MCM5: variants seen among roughly 807,000 people sequenced by gnomAD.
MCM5 encodes the protein DNA replication licensing factor MCM5.
A neutral mutation model predicts 79.9 loss-of-function variants in MCM5; 46 were observed. The observed-to-expected ratio is 0.58, with a 90% CI of 0.45 to 0.74. The LOEUF (loss-of-function observed/expected upper bound fraction) is 0.74, where lower values mean the gene tolerates loss of function less well. Among genes scored for constraint, MCM5 ranks in the 30% least tolerant of loss-of-function variants. MCM5 has a pLI of 0.00. For missense variants in MCM5, 883 were observed against 1,017.0 expected, an observed-to-expected ratio of 0.87 and a Z score of 1.79; for synonymous variants, 404 against 390.5, an observed-to-expected ratio of 1.03 and a Z score of -0.41.
At chr22:35,427,972 C>T (rs1932788640), downstream of MCM5, among the ~76,000 whole-genome samples, 3 of 149,948 alleles carry the variant, frequency 2.0e-5, no homozygotes. Flanking sequence ...GCCAGGAGTT[C>T]AAGACTAGCC....
chr22:35,406,296 A>ACCCCCC lies in MCM5; in HGVS notation c.424-255_424-254insCCCCCC, dbSNP rs758388958. Among the ~76,000 whole-genome samples, 174 of 120,918 alleles carry ACCCCCC rather than the reference A, an allele frequency of 1.4e-3. 15 individuals carry two copies. Among genetic ancestry groups the ACCCCCC allele is most frequent in the African/African-American group, 1.9e-3 (59 of 30,900 alleles). 79.3% of individuals were successfully genotyped at this position (120,918 alleles called of 152,430 possible). A position where few individuals can be genotyped will look rare whatever the true frequency, so the allele number is the denominator to read the frequency against. On this transcript the variant is annotated intron_variant, in intron 4 of 16. Transcript: ENST00000216122. Reference sequence around the variant, plus strand: ...TGCTTAGTGTATCTCTTGCCCTGCCACCTCCCCCCCCAATTGTGCTGCGAG... The same window carrying ACCCCCC: ...TGCTTAGTGTATCTCTTGCCCTGCCACCCCCCCCTCCCCCCCCAATTGTGCTGCGAG...
chr22:35,450,233 G>A, the MCM5 span, among the ~76,000 whole-genome samples: 8 of 152,236 alleles, frequency 5.3e-5, no homozygotes, highest in Admixed American at 1.3e-4. Flanking sequence ...CATGGCCCAC[G>A]GTTGAGTTCC....
chr22:35,444,625 C>T, the MCM5 span, among the ~76,000 whole-genome samples: 25 of 152,280 alleles, frequency 1.6e-4, no homozygotes, highest in African/African-American at 6.0e-4. Flanking sequence ...GGAAGCTGCC[C>T]TGCTGGCCTG....
chr22:35,454,149 C>G, the MCM5 span, among the ~76,000 whole-genome samples: 15 of 152,006 alleles, frequency 9.9e-5, no homozygotes, highest in African/African-American at 3.6e-4. Context: ...GGGTTTCTCC[C>G]CTTCTTTCTG....
intron 14 of MCM5, among the ~76,000 whole-genome samples, chr22:35,420,962 C>A (rs910934994): frequency 5.3e-5 from 8 of 151,706 alleles, no homozygotes; most frequent in African/African-American, 1.9e-4. Flanking sequence ...ACTCCCATTT[C>A]TACAAAAAAT....
rs534241396 is a variant in MCM5, at chr22:35,413,868, C to T, written c.1092-7C>T. The T allele has an allele frequency of 2.7e-5, 42 of 1,555,722 alleles. No homozygotes were observed. The highest frequency in any genetic ancestry group is 5.0e-5 in the Admixed American group (3 of 59,942). ...CTCACCTTGTCCATCTACCCTTCGTCCCCCAGGCTCCCTGATGGACTTACT... is the reference window on the plus strand; with the variant it reads ...CTCACCTTGTCCATCTACCCTTCGTTCCCCAGGCTCCCTGATGGACTTACT... On this transcript the variant is annotated splice_region_variant and splice_polypyrimidine_tract_variant and intron_variant, in intron 8 of 16. Coordinates refer to ENST00000216122, the MANE Select transcript of MCM5 (RefSeq NM_006739.4).
At chr22:35,413,795 GC>G in intron 8 of MCM5, 79 bp from the exon 9 acceptor site, 1 of 834,426 alleles carries the variant, frequency 1.2e-6, no homozygotes, top group East Asian at 2.4e-5. Flanking sequence ...TCAACTGCCA[GC>G]CCACCAATCT....
chr22:35,433,074 A>G, the MCM5 span, among the ~76,000 whole-genome samples: 2 of 152,032 alleles, frequency 1.3e-5, no homozygotes, highest in East Asian at 3.9e-4. Flanking sequence ...AGCTGGGACT[A>G]CAGGCATGCA....
intron 4 of MCM5, among the ~76,000 whole-genome samples, chr22:35,405,689 CA>C (rs1280717089): frequency 6.6e-6 from 1 of 152,070 alleles, no homozygotes; most frequent in African/African-American, 2.4e-5. Context: ...TTTTTAAAGG[CA>C]TAGCTACAAT....
intron 13 of MCM5, among the ~76,000 whole-genome samples, chr22:35,418,440 A>C (rs560073195): frequency 2.0e-5 from 3 of 152,106 alleles, no homozygotes; most frequent in African/African-American, 4.8e-5. Flanking sequence ...CAGGTGGATC[A>C]CTTGAGGTCA....
chr22:35,427,904 G>A (rs1380032746), downstream of MCM5, among the ~76,000 whole-genome samples: 1 of 151,986 alleles, frequency 6.6e-6, no homozygotes, highest in African/African-American at 2.4e-5. Flanking sequence ...GCCAGGTGTG[G>A]TAGCTCATTC....
chr22:35,434,052 G>C, the MCM5 span, among the ~76,000 whole-genome samples: 1 of 152,216 alleles, frequency 6.6e-6, no homozygotes, highest in Non-Finnish European at 1.5e-5. Flanking sequence ...TTCGTGGGGA[G>C]AGAGGCAGGG....
At chr22:35,453,817 T>TAGAG in the MCM5 span, among the ~76,000 whole-genome samples, 567 of 78,232 alleles carry the variant, frequency 7.2e-3, 2 homozygotes, top group African/African-American at 0.012. Context: ...TATATATATA[T>TAGAG]ATAGAGAGAG....
the MCM5 span, among the ~76,000 whole-genome samples, chr22:35,435,368 G>A: frequency 6.6e-6 from 1 of 152,136 alleles, no homozygotes; most frequent in Non-Finnish European, 1.5e-5. Flanking sequence ...GTGGGGCCTC[G>A]ATGGGGACTT....
At chr22:35,405,878 G>A (rs570821988) in intron 4 of MCM5, among the ~76,000 whole-genome samples, 12 of 152,038 alleles carry the variant, frequency 7.9e-5, no homozygotes, top group African/African-American at 2.9e-4. Flanking sequence ...GGACATGGTG[G>A]CAGTTACCTG....
rs1932758005 is a variant in MCM5, at chr22:35,424,375, C to T, written c.*120C>T. 3 of 713,314 alleles carry T rather than the reference C, an allele frequency of 4.2e-6. No individual in the cohort carries two copies. The highest frequency in any genetic ancestry group is 6.9e-6 in the Non-Finnish European group (3 of 435,900). The allele number at this position is 713,314 out of a possible 1,614,324, so 44.2% of individuals were successfully genotyped here. A position where few individuals can be genotyped will look rare whatever the true frequency, so the allele number is the denominator to read the frequency against. ...CACTGCAGCCCTCGAACTTCCCAGGCACCCTCCTTTCTGCCCCAGAGGAAG... is the reference window on the plus strand; with the variant it reads ...CACTGCAGCCCTCGAACTTCCCAGGTACCCTCCTTTCTGCCCCAGAGGAAG... On this transcript the variant is annotated 3_prime_UTR_variant, in exon 17 of 17. Transcript: ENST00000216122.
At chr22:35,441,678 C>T in the MCM5 span, among the ~76,000 whole-genome samples, 107 of 152,220 alleles carry the variant, frequency 7.0e-4, 1 homozygote, top group South Asian at 0.022. Flanking sequence ...AAGGTGATTC[C>T]TGAGGCCCTG....
chr22:35,404,867 G>A (rs1932164500), intron 4 of MCM5, among the ~76,000 whole-genome samples: 1 of 152,162 alleles, frequency 6.6e-6, no homozygotes, highest in South Asian at 2.1e-4. Context: ...GCTTTGTGAA[G>A]GGCAAGGGCT....
At chr22:35,435,439 T>C in the MCM5 span, among the ~76,000 whole-genome samples, 2 of 152,170 alleles carry the variant, frequency 1.3e-5, no homozygotes, top group Non-Finnish European at 2.9e-5. Context: ...TGGTGGGACT[T>C]GATTCCTCAG....
Sources: allele counts gnomAD v4.1 joint callset (sites outside exome capture counted in the v4.1 genomes callset), GRCh38; gene constraint gnomAD v4.1.1; transcripts MANE v1.5; gene names NCBI Gene and HGNC (gene_info 2026-07-23, HGNC 2026-07-21).